Variants in CDH13 observed in about 807,000 individuals in gnomAD.
The protein encoded by CDH13 is cadherin 13.
In CDH13, 24 loss-of-function variants were observed where a neutral mutation model predicts 63.8. The observed-to-expected ratio is 0.38, with a 90% CI of 0.27 to 0.53. CDH13 has a LOEUF of 0.53. Ranked by LOEUF, CDH13 falls within the 20% of genes least tolerant of loss-of-function variation. The probability of loss-of-function intolerance (pLI) is 0.85; values close to 1 mark genes in which losing one functional copy is unlikely to be tolerated. For missense variants in CDH13, 1,049 were observed against 903.1 expected, an observed-to-expected ratio of 1.16 and a Z score of -2.07; for synonymous variants, 503 against 355.3, an observed-to-expected ratio of 1.42 and a Z score of -4.67.
At chr16:83,359,172 G>A (rs1416000661) in intron 6 of CDH13, among the ~76,000 whole-genome samples, 1 of 152,186 alleles carries the variant, frequency 6.6e-6, no homozygotes, top group Non-Finnish European at 1.5e-5. Flanking sequence ...CAAGGGTACA[G>A]CACAAGGGTT....
At position 83,290,854 on chromosome 16, in the gene CDH13, C is replaced by G. The variant is rs572185084; in HGVS notation, c.637-54008C>G. ...CCGCCTTTCACCTTGCTTTTCCTGA[C>G]TGTTCTCTCTGCCTACTGCCTAGAA... On this transcript the variant is annotated intron_variant, in intron 5 of 13. Transcript: ENST00000567109. Among the ~76,000 whole-genome samples the G allele has an allele frequency of 2.0e-5, 3 of 152,272 alleles. No individual in the cohort carries two copies. In the South Asian group the frequency reaches 6.2e-4, roughly 32 times the overall value.
chr16:83,159,263 C>G (rs576788373), intron 4 of CDH13, among the ~76,000 whole-genome samples: 1 of 152,132 alleles, frequency 6.6e-6, no homozygotes, highest in African/African-American at 2.4e-5. Flanking sequence ...ATTCCTGTGA[C>G]TCTAGTTGAG....
chr16:83,755,441 TAAATC>T (rs1913427756), intron 11 of CDH13, among the ~76,000 whole-genome samples: 1 of 152,172 alleles, frequency 6.6e-6, no homozygotes, highest in Non-Finnish European at 1.5e-5. Flanking sequence ...TTCTCCCTAT[TAAATC>T]AAAAAGTTTA....
intron 6 of CDH13, among the ~76,000 whole-genome samples, chr16:83,374,439 G>C (rs1276323634): frequency 1.3e-5 from 2 of 152,104 alleles, no homozygotes; most frequent in Non-Finnish European, 2.9e-5. Flanking sequence ...TTTTTTCTCT[G>C]ATAAAGTCAA....
chr16:83,345,517 C>A (rs1178543551), intron 6 of CDH13, among the ~76,000 whole-genome samples: 1 of 152,188 alleles, frequency 6.6e-6, no homozygotes, highest in Non-Finnish European at 1.5e-5. Flanking sequence ...TGTTTGATAT[C>A]TCTCTCTGGA....
intron 4 of CDH13, among the ~76,000 whole-genome samples, chr16:83,162,742 C>T (rs2037501145): frequency 6.6e-6 from 1 of 152,074 alleles, no homozygotes; most frequent in African/African-American, 2.4e-5. Flanking sequence ...GATTGTGATT[C>T]AATAGGCCTG....
chr16:82,996,409 T>G (rs910023708), intron 2 of CDH13, among the ~76,000 whole-genome samples: 2 of 152,072 alleles, frequency 1.3e-5, no homozygotes, highest in African/African-American at 4.8e-5. Context: ...GTGAAGATCT[T>G]AGGCGGTTGT....
At chr16:82,788,193 A>G (rs889181556) in intron 1 of CDH13, among the ~76,000 whole-genome samples, 1 of 152,228 alleles carries the variant, frequency 6.6e-6, no homozygotes, top group Non-Finnish European at 1.5e-5. Context: ...GGAAAAAAAC[A>G]AAGTGAGGAT....
chr16:83,295,296 A>T (rs2151869688), intron 5 of CDH13, among the ~76,000 whole-genome samples: 1 of 152,312 alleles, frequency 6.6e-6, no homozygotes, highest in Admixed American at 6.5e-5. Context: ...ACATAGGGAA[A>T]AGTTCCATGA....
At chr16:83,101,507 T>TAG (rs1054704416) in intron 3 of CDH13, among the ~76,000 whole-genome samples, 32 of 150,844 alleles carry the variant, frequency 2.1e-4, no homozygotes, top group African/African-American at 7.8e-4. Context: ...AAATACTGGG[T>TAG]AGAGGCTGGG....
chr16:83,242,956 C>T (rs1304834561), intron 5 of CDH13, among the ~76,000 whole-genome samples: 4 of 152,200 alleles, frequency 2.6e-5, no homozygotes, highest in Non-Finnish European at 4.4e-5. Context: ...TTCAGCTTTT[C>T]TTACTCTTTA....
chr16:83,293,495 T>C (rs1379328189), intron 5 of CDH13, among the ~76,000 whole-genome samples: 5 of 152,192 alleles, frequency 3.3e-5, no homozygotes, highest in South Asian at 2.1e-4. Context: ...AGCAAGACTT[T>C]ATCCATGTCA....
At chr16:82,831,521 C>G (rs1370063879) in intron 1 of CDH13, among the ~76,000 whole-genome samples, 1 of 152,086 alleles carries the variant, frequency 6.6e-6, no homozygotes, top group Non-Finnish European at 1.5e-5. Context: ...AAGGAAACAA[C>G]TCCAACAATG....
chr16:83,287,666 TTA>T (rs1193818117), intron 5 of CDH13, among the ~76,000 whole-genome samples: 2 of 152,136 alleles, frequency 1.3e-5, no homozygotes, highest in Non-Finnish European at 2.9e-5. Flanking sequence ...TTATGATGAC[TTA>T]TATAATTATT....
At chr16:83,266,520 G>C (rs528097747) in intron 5 of CDH13, among the ~76,000 whole-genome samples, 3 of 151,882 alleles carry the variant, frequency 2.0e-5, no homozygotes, top group African/African-American at 7.3e-5. Context: ...TCCTCAGAAA[G>C]TCTTATCAGG....
At chr16:83,016,140 C>G (rs558764445) in intron 2 of CDH13, among the ~76,000 whole-genome samples, 31 of 152,272 alleles carry the variant, frequency 2.0e-4, no homozygotes, top group African/African-American at 7.5e-4. Context: ...ATAAAAATCA[C>G]TTGGCCACTG....
At chr16:83,699,623 A>G (rs974419033) in intron 10 of CDH13, among the ~76,000 whole-genome samples, 1 of 152,112 alleles carries the variant, frequency 6.6e-6, no homozygotes, top group Non-Finnish European at 1.5e-5. Context: ...CTTGGCACAC[A>G]TATGCACACA....
intron 6 of CDH13, among the ~76,000 whole-genome samples, chr16:83,369,238 T>G (rs1390223767): frequency 6.6e-6 from 1 of 151,798 alleles, no homozygotes. Flanking sequence ...AGGGAACACT[T>G]TTTACACTGT....
intron 4 of CDH13, among the ~76,000 whole-genome samples, chr16:83,131,357 A>G (rs888822646): frequency 6.6e-6 from 1 of 152,212 alleles, no homozygotes; most frequent in African/African-American, 2.4e-5. Flanking sequence ...AGTCGTGAAC[A>G]TACTTGCTCA....
Sources: allele counts gnomAD v4.1 joint callset (sites outside exome capture counted in the v4.1 genomes callset), GRCh38; gene constraint gnomAD v4.1.1; transcripts MANE v1.5; gene names NCBI Gene and HGNC (gene_info 2026-07-23, HGNC 2026-07-21).